FGF14: variants seen among roughly 807,000 people sequenced by gnomAD.
The protein encoded by FGF14 is fibroblast growth factor 14, also known as fibroblast growth factor homologous factor 4.
Under a neutral mutation model 25.5 loss-of-function variants are expected in FGF14, and 5 were observed. That is an observed-to-expected ratio of 0.20 (90% CI 0.10 to 0.41). The LOEUF (loss-of-function observed/expected upper bound fraction) is 0.41, where lower values mean the gene tolerates loss of function less well. Ranked by LOEUF, FGF14 falls within the 10% of genes least tolerant of loss-of-function variation. The pLI, the probability that FGF14 is intolerant of heterozygous loss-of-function variation, is 1.00. For missense variants in FGF14, 222 were observed against 320.1 expected (o/e 0.69, Z 2.34); for synonymous variants, 138 against 118.3 (o/e 1.17, Z -1.08).
At chr13:102,051,888 C>T (rs2042229045) in intron 1 of FGF14, among the ~76,000 whole-genome samples, 1 of 152,024 alleles carries the variant, frequency 6.6e-6, no homozygotes, top group African/African-American at 2.4e-5. Flanking sequence ...ACCAAAAGAC[C>T]ATAATAATCT....
chr13:101,813,227 C>T (rs1365225753), intron 3 of FGF14, among the ~76,000 whole-genome samples: 1 of 152,176 alleles, frequency 6.6e-6, no homozygotes, highest in Non-Finnish European at 1.5e-5. Flanking sequence ...GCCATGCCTT[C>T]TCTCCAACTC....
intron 1 of FGF14, among the ~76,000 whole-genome samples, chr13:102,145,278 A>C (rs2046809209): frequency 2.6e-5 from 4 of 152,154 alleles, no homozygotes; most frequent in Admixed American, 6.6e-5. Flanking sequence ...ATGAGACTCA[A>C]TTCTAGCCAA....
chr13:102,207,177 G>A (rs1481466028), intron 1 of FGF14, among the ~76,000 whole-genome samples: 1 of 151,704 alleles, frequency 6.6e-6, no homozygotes, highest in Non-Finnish European at 1.5e-5. Flanking sequence ...CTACTCCAGA[G>A]GCTCAGGCAG....
intron 1 of FGF14, among the ~76,000 whole-genome samples, chr13:102,251,725 C>T (rs937145171): frequency 6.6e-6 from 1 of 152,148 alleles, no homozygotes; most frequent in African/African-American, 2.4e-5. Flanking sequence ...ATCCCTCGTG[C>T]TTCAGTGGAA....
chr13:101,821,010 T>C (rs6491647), intron 3 of FGF14, among the ~76,000 whole-genome samples: 84,779 of 140,736 alleles, frequency 0.6, 25,875 homozygotes, highest in South Asian at 0.64. Flanking sequence ...TGCAGTGGCA[T>C]GATCTCGGCT....
chr13:101,784,622 A>G lies in FGF14; in HGVS notation c.409-57812T>C, dbSNP rs1436281874. Among the ~76,000 whole-genome samples the G allele has an allele frequency of 3.9e-5, 6 of 152,268 alleles. No homozygotes were observed. The East Asian group carries it at 7.7e-4, about 20-fold the overall frequency. On this transcript the variant is annotated intron_variant, in intron 3 of 4. Transcript: ENST00000376143. ...TTCTGAAGATTATTTAACCTTTTCA[A>G]TGTTTGAATGGTAACATATAATGAA...
intron 1 of FGF14, among the ~76,000 whole-genome samples, chr13:101,891,928 A>C (rs1198652642): frequency 2.6e-5 from 4 of 152,156 alleles, no homozygotes; most frequent in African/African-American, 9.7e-5. Context: ...TCAGAAATAG[A>C]GAAAGAAGTT....
rs2053841720 is a variant in FGF14 at position 102,281,696 on chromosome 13, T to TG, written c.208+119774_208+119775insC. 5.3e-5 allele frequency among the ~76,000 whole-genome samples: 8 copies of TG among 152,112 alleles called. 1 individual carries two copies. The South Asian group carries it at 1.7e-3, about 32-fold the overall frequency. On this transcript the variant is annotated intron_variant, in intron 1 of 4. Coordinates refer to the FGF14 transcript ENST00000376131. The stretch of plus-strand genomic sequence containing the variant: ...ATTGCTCTGATCCTAACTTCTTTTT[T>TG]TTTTTTTTTTTTAAGTTCAGAGGTA...
chr13:101,871,687 G>C (rs1321639600), intron 2 of FGF14, among the ~76,000 whole-genome samples: 1 of 151,978 alleles, frequency 6.6e-6, no homozygotes, highest in East Asian at 1.9e-4. Flanking sequence ...CAAAAGCAAA[G>C]TGGGGGGAAA....
chr13:101,848,644 G>T lies in FGF14; in HGVS notation c.408+20081C>A, dbSNP rs150198752. Among the ~76,000 whole-genome samples the T allele has an allele frequency of 1.1e-3, 162 of 152,118 alleles. 1 individual carries two copies. Among genetic ancestry groups the T allele is most frequent in the Middle Eastern group, 3.4e-3 (1 of 294 alleles). On this transcript the variant is annotated intron_variant, in intron 3 of 4. Coordinates refer to ENST00000376143, the MANE Select transcript of FGF14 (RefSeq NM_004115.4). The stretch of plus-strand genomic sequence containing the variant: ...ACTATAACCATGAAAGTCACTCTGG[G>T]CTGGAATAATAGTCAAACTAATTCT...
chr13:101,960,922 T>G (rs1290925195), intron 1 of FGF14, among the ~76,000 whole-genome samples: 1 of 152,242 alleles, frequency 6.6e-6, no homozygotes, highest in East Asian at 1.9e-4. Flanking sequence ...GTGGTTTTGA[T>G]TTGCATTTCT....
intron 1 of FGF14, among the ~76,000 whole-genome samples, chr13:102,392,450 G>A (rs777475353): frequency 4.6e-5 from 7 of 152,150 alleles, no homozygotes; most frequent in African/African-American, 1.4e-4. Context: ...CAGTCCTAAG[G>A]ATTTTCGGGT....
At chr13:101,971,434 G>A (rs1024140575) in intron 1 of FGF14, among the ~76,000 whole-genome samples, 1 of 151,220 alleles carries the variant, frequency 6.6e-6, no homozygotes, top group South Asian at 2.1e-4. Flanking sequence ...GCAGTGGCAT[G>A]TTCTTGGCTC....
chr13:102,076,553 A>G (rs1389871301), intron 1 of FGF14, among the ~76,000 whole-genome samples: 1 of 152,206 alleles, frequency 6.6e-6, no homozygotes, highest in East Asian at 1.9e-4. Context: ...GTTTTGGGGA[A>G]AAAATTTAAC....
At chr13:102,120,775 C>T (rs1447800006) in intron 1 of FGF14, among the ~76,000 whole-genome samples, 2 of 151,356 alleles carry the variant, frequency 1.3e-5, no homozygotes, top group Non-Finnish European at 2.9e-5. Flanking sequence ...ACGATCTCAG[C>T]TCACTGCAAC....
chr13:101,749,277 T>G (rs1171276022), intron 3 of FGF14, among the ~76,000 whole-genome samples: 2 of 151,888 alleles, frequency 1.3e-5, no homozygotes, highest in Admixed American at 1.3e-4. Flanking sequence ...CATTTAAAAA[T>G]GGAAAGATTA....
chr13:101,909,145 T>G lies in FGF14; in HGVS notation c.193+7308A>C, dbSNP rs570993630. 1.0e-3 allele frequency among the ~76,000 whole-genome samples: 152 copies of G among 152,100 alleles called. 4 individuals are homozygous for G. In the South Asian group the frequency reaches 0.031, roughly 31 times the overall value. Reference sequence around the variant, plus strand: ...CCTAAAACCATAAAAACCCTAGAAGTAAACCTAGGCAATACCATTCAGGAC... The same window carrying G: ...CCTAAAACCATAAAAACCCTAGAAGGAAACCTAGGCAATACCATTCAGGAC... On this transcript the variant is annotated intron_variant, in intron 1 of 4. Transcript: ENST00000376143.
At chr13:101,954,699 AGTGTGTGT>A (rs5806259) in intron 1 of FGF14, among the ~76,000 whole-genome samples, 4 of 150,764 alleles carry the variant, frequency 2.7e-5, no homozygotes, top group South Asian at 2.1e-4. Context: ...ATTCACTGAA[AGTGTGTGT>A]GTGTGTGTGT....
Position 101,712,912 on chromosome 13 carries a change from G to A in FGF14, c.*9919C>T, listed in dbSNP as rs991097869. 2.6e-5 allele frequency: 4 copies of A among 152,114 alleles called. No homozygotes were observed. Among genetic ancestry groups the A allele is most frequent in the African/African-American group, 9.7e-5 (4 of 41,398 alleles). 9.4% of individuals were successfully genotyped at this position (152,114 alleles called of 1,614,324 possible). On this transcript the variant is annotated 3_prime_UTR_variant, in exon 5 of 5. Transcript: ENST00000376143. ...CTGACCTGGGAGCAGCAGCTCACTG[G>A]GTCCTGAGAAACCACAGGGCTGTCA...
Sources: gnomAD v4.1 joint callset for allele counts (sites outside exome capture counted in the v4.1 genomes callset) on GRCh38, gnomAD v4.1.1 for gene constraint, MANE v1.5 for transcripts, NCBI Gene and HGNC (gene_info 2026-07-23, HGNC 2026-07-21) for gene names.